The following KCNH7 variants were observed in gnomAD, a reference collection of about 807,000 sequenced individuals.
KCNH7 encodes the protein potassium voltage-gated channel subfamily H member 7.
In KCNH7, 49 loss-of-function variants were observed where a neutral mutation model predicts 120.8. That is an observed-to-expected ratio of 0.41 (90% CI 0.32 to 0.51). The LOEUF (loss-of-function observed/expected upper bound fraction) is 0.51. Ranked by LOEUF, KCNH7 falls within the 20% of genes least tolerant of loss-of-function variation. The pLI is 0.38. For missense variants in KCNH7, 1,097 were observed against 1,446.6 expected (o/e 0.76, Z 3.92); for synonymous variants, 547 against 516.1 (o/e 1.06, Z -0.81).
chr2:162,652,332 A>C (rs1236314659), intron 2 of KCNH7, among the ~76,000 whole-genome samples: 3 of 152,186 alleles, frequency 2.0e-5, no homozygotes, highest in Non-Finnish European at 4.4e-5. Context: ...TGATGATTAC[A>C]TGAGATATTT....
chr2:162,754,765 G>A (rs1338796055), intron 2 of KCNH7, among the ~76,000 whole-genome samples: 1 of 152,084 alleles, frequency 6.6e-6, no homozygotes, highest in Admixed American at 6.5e-5. Context: ...TAAATCCAAA[G>A]CAATAAAATG....
intron 2 of KCNH7, among the ~76,000 whole-genome samples, chr2:162,603,114 CT>C (rs1211069601): frequency 6.6e-6 from 1 of 151,840 alleles, no homozygotes; most frequent in East Asian, 1.9e-4. Flanking sequence ...GGCAACAATT[CT>C]TTGATTTTTG....
intron 6 of KCNH7, among the ~76,000 whole-genome samples, chr2:162,453,051 C>G (rs1344026213): frequency 6.6e-6 from 1 of 152,048 alleles, no homozygotes; most frequent in Non-Finnish European, 1.5e-5. Context: ...ATCAACCCAT[C>G]ATCTAGCTTT....
At chr2:162,595,739 A>G (rs1266267140) in intron 2 of KCNH7, among the ~76,000 whole-genome samples, 2 of 152,050 alleles carry the variant, frequency 1.3e-5, no homozygotes, top group African/African-American at 4.8e-5. Context: ...AGAAAAAGAA[A>G]TACAAGGCAT....
intron 2 of KCNH7, among the ~76,000 whole-genome samples, chr2:162,573,154 A>G (rs1269874964): frequency 6.6e-6 from 1 of 152,076 alleles, no homozygotes; most frequent in African/African-American, 2.4e-5. Context: ...AATGTTGTGA[A>G]ATGTGCAGGA....
At chr2:162,721,397 A>G (rs1320714378) in intron 2 of KCNH7, among the ~76,000 whole-genome samples, 1 of 152,126 alleles carries the variant, frequency 6.6e-6, no homozygotes, top group Non-Finnish European at 1.5e-5. Flanking sequence ...AAAAGAAGAC[A>G]CAAATTTTTA....
chr2:162,394,485 C>G lies in KCNH7; in HGVS notation c.2614G>C (p.Ala872Pro), dbSNP rs372132270. 1.3e-6 allele frequency: 2 copies of G among 1,567,788 alleles called. No individual in the cohort carries two copies. The highest frequency in any genetic ancestry group is 8.8e-7 in the Non-Finnish European group (1 of 1,140,298). The change falls in exon 12 of 16, where the codon GCT (alanine) becomes CCT (proline). Residue 872 changes from alanine (A) to proline (P), a missense_variant and splice_region_variant. Ala to Pro is a conservative substitution (Grantham distance 27). This residue lies in a region of KCNH7 where 406 missense variants were observed against 410.5 expected (regional missense o/e 0.99). Transcript: ENST00000332142. ...ATGGATTGTGATCGTAGGAGATCAG[C>G]CTTTGTTAATGGAACATGAAGATAA... Reference protein sequence around the residue: ...TFNLRHESAKADLLRSQSMND... With the variant: ...TFNLRHESAKPDLLRSQSMND...
chr2:162,786,056 C>A (rs1334952050), intron 2 of KCNH7, among the ~76,000 whole-genome samples: 1 of 151,992 alleles, frequency 6.6e-6, no homozygotes, highest in African/African-American at 2.4e-5. Context: ...GCCTGACCAA[C>A]ATTGTGAAAC....
chr2:162,512,771 A>G, intron 4 of KCNH7, 97 bp from the exon 5 acceptor site: 1 of 938,358 alleles, frequency 1.1e-6, no homozygotes, highest in Non-Finnish European at 1.6e-6. Flanking sequence ...ACAATCAGAG[A>G]AATCAGAATA....
chr2:162,539,128 G>A (rs1375879025), intron 2 of KCNH7, among the ~76,000 whole-genome samples: 1 of 152,030 alleles, frequency 6.6e-6, no homozygotes, highest in African/African-American at 2.4e-5. Context: ...TAACAAACGG[G>A]ATGACTTTAG....
chr2:162,643,519 T>C (rs1035394498), intron 2 of KCNH7, among the ~76,000 whole-genome samples: 1 of 151,614 alleles, frequency 6.6e-6, no homozygotes, highest in African/African-American at 2.4e-5. Context: ...TAAAGAAAAA[T>C]GATTAACCGC....
intron 3 of KCNH7, among the ~76,000 whole-genome samples, chr2:162,531,263 T>C (rs2105814305): frequency 6.6e-6 from 1 of 152,118 alleles, no homozygotes; most frequent in African/African-American, 2.4e-5. Context: ...ATCTTCCATT[T>C]AGGAAACCAA....
At chr2:162,758,467 C>T (rs1196174731) in intron 2 of KCNH7, among the ~76,000 whole-genome samples, 2 of 151,834 alleles carry the variant, frequency 1.3e-5, no homozygotes, top group Non-Finnish European at 2.9e-5. Flanking sequence ...TGTACACACA[C>T]ATATATATAC....
At chr2:162,804,881 A>C (rs1339543193) in intron 2 of KCNH7, among the ~76,000 whole-genome samples, 1 of 151,984 alleles carries the variant, frequency 6.6e-6, no homozygotes, top group Non-Finnish European at 1.5e-5. Context: ...CCAAAATAAC[A>C]TCTTAATGAT....
At position 162,448,391 on chromosome 2, in the gene KCNH7, T is replaced by C. The variant is rs1288071144; in HGVS notation, c.1129-1948A>G. ...AAAGTCATTAAAGTCATTTAAAATA[T>C]GGACCCATTCCATCTTTCTAGTCCT... On this transcript the variant is annotated intron_variant, in intron 6 of 15. Transcript: ENST00000332142. Among the ~76,000 whole-genome samples the C allele has an allele frequency of 2.0e-5, 3 of 152,256 alleles. No individual in the cohort carries two copies. The East Asian group carries it at 5.8e-4, about 29-fold the overall frequency.
rs144356828 is a variant in KCNH7 at position 162,783,620 on chromosome 2, CAA to C, written c.307+52915_307+52916del. Among the ~76,000 whole-genome samples the C allele has an allele frequency of 2.2e-3, 329 of 152,238 alleles. 4 individuals carry two copies. The East Asian group carries it at 0.059, about 27-fold the overall frequency. Reference sequence around the variant, plus strand: ...TTTGGAAAATGAGAGCAGATGTTGACAAAGATATATTTGCTAGTCTGATGCCT... The same window carrying C: ...TTTGGAAAATGAGAGCAGATGTTGACAGATATATTTGCTAGTCTGATGCCT... On this transcript the variant is annotated intron_variant, in intron 2 of 15. Coordinates refer to ENST00000332142, the MANE Select transcript of KCNH7 (RefSeq NM_033272.4).
intron 2 of KCNH7, among the ~76,000 whole-genome samples, chr2:162,650,280 A>G (rs1684521442): frequency 6.6e-6 from 1 of 152,154 alleles, no homozygotes; most frequent in Non-Finnish European, 1.5e-5. Flanking sequence ...GTCAATAAAA[A>G]TGCTTCATAA....
chr2:162,577,139 T>C (rs1396797147), intron 2 of KCNH7, among the ~76,000 whole-genome samples: 1 of 151,872 alleles, frequency 6.6e-6, no homozygotes, highest in Non-Finnish European at 1.5e-5. Context: ...AGGCTGTTCC[T>C]GAACTTCTGG....
chr2:162,622,275 C>T (rs1683390897), intron 2 of KCNH7, among the ~76,000 whole-genome samples: 1 of 152,148 alleles, frequency 6.6e-6, no homozygotes, highest in Admixed American at 6.5e-5. Context: ...CAGTACCATC[C>T]CTTCATATGA....
Sources: gnomAD v4.1 joint callset for allele counts (sites outside exome capture counted in the v4.1 genomes callset) on GRCh38, gnomAD v4.1.1 for gene constraint, gnomAD v4.1.1 regional missense constraint, MANE v1.5 for transcripts, NCBI Gene and HGNC (gene_info 2026-07-23, HGNC 2026-07-21) for gene names.